ATCAY: variants seen among roughly 807,000 people sequenced by gnomAD.
The protein encoded by ATCAY is ATCAY kinesin light chain interacting caytaxin, also known as caytaxin.
In ATCAY, 22 loss-of-function variants were observed where a neutral mutation model predicts 47.7. The observed-to-expected ratio is 0.46, with a 90% CI of 0.33 to 0.66. The LOEUF (loss-of-function observed/expected upper bound fraction) is 0.66. Among genes scored for constraint, ATCAY ranks in the 30% least tolerant of loss-of-function variants. The pLI is 0.02. For missense variants in ATCAY, 452 were observed against 515.0 expected (o/e 0.88, Z 1.18); for synonymous variants, 216 against 207.6 (o/e 1.04, Z -0.35).
At chr19:3,902,300 C>T (rs1414210855) in intron 2 of ATCAY, among the ~76,000 whole-genome samples, 187 bp from the exon 3 acceptor site, 2 of 152,120 alleles carry the variant, frequency 1.3e-5, no homozygotes, top group South Asian at 2.1e-4. Flanking sequence ...CCAGCCTGGG[C>T]GATACAGTGA....
intron 2 of ATCAY, among the ~76,000 whole-genome samples, 192 bp downstream of exon 2, chr19:3,886,036 C>T (rs1286663868): frequency 2.0e-5 from 3 of 152,182 alleles, no homozygotes; most frequent in African/African-American, 4.8e-5. Flanking sequence ...TGTGGCCTCA[C>T]AGTGGGGTAG....
intron 1 of ATCAY, among the ~76,000 whole-genome samples, chr19:3,883,824 T>C (rs2038623365): frequency 1.3e-5 from 2 of 152,132 alleles, no homozygotes; most frequent in African/African-American, 2.4e-5. Context: ...TTCAACTCTT[T>C]TGTTTACAGA....
At chr19:3,915,679 G>A (rs1273754251) in intron 9 of ATCAY, among the ~76,000 whole-genome samples, 2 of 147,864 alleles carry the variant, frequency 1.4e-5, no homozygotes, top group Admixed American at 6.8e-5. Flanking sequence ...AGCCTCCCCA[G>A]TAGCTGGGAT....
chr19:3,904,192 C>T (rs189636420), intron 3 of ATCAY, among the ~76,000 whole-genome samples: 5 of 151,968 alleles, frequency 3.3e-5, no homozygotes, highest in African/African-American at 9.7e-5. Context: ...GGCTTGGTGG[C>T]GCATGCCTGT....
chr19:3,914,844 G>GGT (rs928344574), intron 9 of ATCAY, among the ~76,000 whole-genome samples: 1 of 151,668 alleles, frequency 6.6e-6, no homozygotes, highest in African/African-American at 2.4e-5. Flanking sequence ...AAAAGATTTG[G>GGT]GTGGAGATAC....
chr19:3,907,534 G>A lies in ATCAY; in HGVS notation c.359-200G>A, dbSNP rs1302873832. ...AAGGGAATGTCCAGAAAGGCTTCCT[G>A]GAGGAGGCGGCATTTGAGCCAGGCC... On this transcript the variant is annotated intron_variant, in intron 4 of 12. Coordinates refer to ENST00000450849, the MANE Select transcript of ATCAY (RefSeq NM_033064.5). The surrounding 1 kb of genome is among the most constrained non-coding windows in gnomAD (Gnocchi z 5.1). Among the ~76,000 whole-genome samples, 4 of 152,252 alleles carry A rather than the reference G, an allele frequency of 2.6e-5. No individual in the cohort carries two copies. The highest frequency in any genetic ancestry group is 4.4e-5 in the Non-Finnish European group (3 of 68,046).
chr19:3,912,400 G>A (rs527517458), intron 8 of ATCAY, among the ~76,000 whole-genome samples: 23 of 151,792 alleles, frequency 1.5e-4, no homozygotes, highest in East Asian at 1.2e-3. Context: ...TGCAAGCTCC[G>A]CCTCCCGGGT....
chr19:3,900,344 C>T (rs1417047128), intron 2 of ATCAY, among the ~76,000 whole-genome samples: 1 of 151,584 alleles, frequency 6.6e-6, no homozygotes, highest in Non-Finnish European at 1.5e-5. Flanking sequence ...GGCACCACCA[C>T]GTCCAGCTAA....
At chr19:3,887,319 A>G (rs1296973000) in intron 2 of ATCAY, among the ~76,000 whole-genome samples, 2 of 151,606 alleles carry the variant, frequency 1.3e-5, no homozygotes, top group African/African-American at 2.4e-5. Context: ...TTAGCTGGGC[A>G]TGGTGGTGTG....
intron 9 of ATCAY, among the ~76,000 whole-genome samples, chr19:3,914,217 C>CA (rs2145257215): frequency 8.9e-6 from 1 of 111,740 alleles, no homozygotes; most frequent in East Asian, 2.9e-4. Context: ...GCCTGGGCCA[C>CA]AGAGCGAGAC....
At position 3,914,235 on chromosome 19, in the gene ATCAY, C is replaced by CAAAAAAAAAAAAAAAAAAAAAA. The variant is rs56742726; in HGVS notation, c.965+394_965+395insAAAAAAAAAAAAAAAAAAAAAA. 1.3e-4 allele frequency among the ~76,000 whole-genome samples: 8 copies of CAAAAAAAAAAAAAAAAAAAAAA among 62,568 alleles called. 1 individual carries two copies. Among genetic ancestry groups the CAAAAAAAAAAAAAAAAAAAAAA allele is most frequent in the African/African-American group, 7.3e-4 (7 of 9,564 alleles). 41.0% of individuals were successfully genotyped at this position (62,568 alleles called of 152,430 possible). Reference sequence around the variant, plus strand: ...TGGGCCACAGAGCGAGACTCCATCGCAAAAAAAAAAAAAAAGGGCTAACGG... The same window carrying CAAAAAAAAAAAAAAAAAAAAAA: ...TGGGCCACAGAGCGAGACTCCATCGCAAAAAAAAAAAAAAAAAAAAAAAAAAAAAAAAAAAAAGGGCTAACGG... On this transcript the variant is annotated intron_variant, in intron 9 of 12. Coordinates refer to ENST00000450849, the MANE Select transcript of ATCAY (RefSeq NM_033064.5).
At chr19:3,892,394 T>C (rs1486383918) in intron 2 of ATCAY, among the ~76,000 whole-genome samples, 1 of 151,712 alleles carries the variant, frequency 6.6e-6, no homozygotes, top group African/African-American at 2.4e-5. Flanking sequence ...AGAGACAGGG[T>C]CTCACTGTGT....
chr19:3,887,638 C>T (rs1471127461), intron 2 of ATCAY, among the ~76,000 whole-genome samples: 2 of 150,790 alleles, frequency 1.3e-5, no homozygotes, highest in Non-Finnish European at 3.0e-5. Flanking sequence ...GGGCACCCGC[C>T]ACCACGCCCG....
intron 1 of ATCAY, among the ~76,000 whole-genome samples, chr19:3,881,932 C>T (rs1475459656): frequency 7.3e-6 from 1 of 137,920 alleles, no homozygotes; most frequent in East Asian, 2.4e-4. Flanking sequence ...TGTTACTGTC[C>T]CTCCTCCAAG....
At chr19:3,906,284 G>A (rs1043690187) in intron 4 of ATCAY, among the ~76,000 whole-genome samples, 1 of 151,152 alleles carries the variant, frequency 6.6e-6, no homozygotes, top group Admixed American at 6.6e-5. Context: ...CAGGAGGAGG[G>A]TCCATCCGCT....
intron 1 of ATCAY, 123 bp from the exon 2 acceptor site, chr19:3,885,604 G>A (rs1469413346): frequency 5.1e-6 from 3 of 593,638 alleles, no homozygotes; most frequent in Admixed American, 2.7e-5. Flanking sequence ...AAAGGAGAGA[G>A]GGGGAGGGGA....
chr19:3,885,883 C>T lies in ATCAY; in HGVS notation c.77+39C>T, dbSNP rs56964691. 364 of 1,536,010 alleles carry T rather than the reference C, an allele frequency of 2.4e-4. 1 individual carries two copies. In the African/African-American group the frequency reaches 4.6e-3, roughly 19 times the overall value. ...ATCCCTGAGTCAACCGTTGGGGGAG[C>T]AGGTGTCTCTCCCAGGTGGGACACA... On this transcript the variant is annotated intron_variant, in intron 2 of 12. Coordinates refer to ENST00000450849, the MANE Select transcript of ATCAY (RefSeq NM_033064.5).
intron 9 of ATCAY, among the ~76,000 whole-genome samples, chr19:3,914,310 A>C (rs1367588154): frequency 6.6e-6 from 1 of 150,944 alleles, no homozygotes; most frequent in East Asian, 2.0e-4. Context: ...GGTGGAAGGC[A>C]AAAGGCACGT....
rs761657102 is a variant in ATCAY, at chr19:3,907,741, C to G, written c.366C>G (p.Thr122=). 1 of 1,613,874 alleles carries G rather than the reference C, an allele frequency of 6.2e-7. No homozygotes were observed. The highest frequency in any genetic ancestry group is 1.7e-5 in the Admixed American group (1 of 59,986). ...NGNELEWEDD[T]PVATAKNMPG... is the part of the protein sequence containing the mutation. ...TCCGCCACCTGCTTCTAGACGACAC[C>G]CCCGTGGCCACCGCCAAGAACATGC... Residue 122 remains threonine, a synonymous_variant, in exon 5 of 13, where the codon ACC becomes ACG. Coordinates refer to ENST00000450849, the MANE Select transcript of ATCAY (RefSeq NM_033064.5). This position sits in a 1 kb window ranked among gnomAD's most constrained non-coding sequence, Gnocchi z 5.1.
Sources: gnomAD v4.1 joint callset for allele counts (sites outside exome capture counted in the v4.1 genomes callset) on GRCh38, gnomAD v4.1.1 for gene constraint, Gnocchi (gnomAD v3.1) non-coding constraint, MANE v1.5 for transcripts, NCBI Gene and HGNC (gene_info 2026-07-23, HGNC 2026-07-21) for gene names.